DIPK2B: variants seen among roughly 807,000 people sequenced by gnomAD.
DIPK2B encodes the protein divergent protein kinase domain 2B, also known as UPF0672 protein CXorf36.
DIPK2B carries 15 observed loss-of-function variants against 22.2 expected under a neutral mutation model. The ratio of observed to expected loss-of-function variants is 0.68; its 90% confidence interval spans 0.45 to 1.04. The LOEUF is 1.04. Among genes scored for constraint, DIPK2B ranks in the 50% least tolerant of loss-of-function variants. The pLI, the probability that DIPK2B is intolerant of heterozygous loss-of-function variation, is 0.00. For synonymous variants in DIPK2B, 163 were observed against 153.2 expected, an observed-to-expected ratio of 1.06 and a Z score of -0.47; for missense variants, 345 against 348.3, an observed-to-expected ratio of 0.99 and a Z score of 0.08.
Position 45,189,086 on chromosome X carries a change from T to C in DIPK2B, c.498+2665A>G, listed in dbSNP as rs55931121. On this transcript the variant is annotated intron_variant, in intron 2 of 4. Transcript: ENST00000398000. ...AGTTTTTTTAAAAAAATAGATTTTG[T>C]CTCACCATGGTCCCCAGGCTCATCT... Among the ~76,000 whole-genome samples, 662 of 112,362 alleles carry C rather than the reference T, an allele frequency of 5.9e-3. 1 individual carries two copies. The highest frequency in any genetic ancestry group is 9.1e-3 in the Non-Finnish European group (484 of 53,269).
At chrX:45,169,775 A>G (rs1003426449) in intron 2 of DIPK2B, among the ~76,000 whole-genome samples, 4 of 112,495 alleles carry the variant, frequency 3.6e-5, no homozygotes, top group African/African-American at 1.3e-4. Context: ...TATAACTGAC[A>G]CAGGACAGTC....
intron 2 of DIPK2B, chrX:45,163,280 G>T: frequency 2.0e-6 from 1 of 492,063 alleles, no homozygotes; most frequent in Non-Finnish European, 2.5e-6. Flanking sequence ...TTTTGGACTT[G>T]CCAATCCCCA....
chrX:45,148,728 G>T lies in DIPK2B; in HGVS notation c.*2924C>A, dbSNP rs181975676. 3 of 112,298 alleles carry T rather than the reference G, an allele frequency of 2.7e-5. No individual in the cohort carries two copies. The highest frequency in any genetic ancestry group is 5.6e-5 in the Non-Finnish European group (3 of 53,977). The allele number at this position is 112,298 out of a possible 1,213,427, so 9.3% of individuals were successfully genotyped here. ...ACATTTCAACATGAGATTTGGAGGG[G>T]ACAAACATCCAAACCATATCACAGC... On this transcript the variant is annotated 3_prime_UTR_variant, in exon 5 of 5. Coordinates refer to ENST00000398000, the MANE Select transcript of DIPK2B (RefSeq NM_176819.4).
chrX:45,163,542 C>T (rs1005754683), intron 2 of DIPK2B: 13 of 752,534 alleles, frequency 1.7e-5, no homozygotes, highest in South Asian at 6.8e-5. Flanking sequence ...TCATCCATAC[C>T]CCCGAGTGTT....
rs764228630 is a variant in DIPK2B, at chrX:45,184,356, G to A, written c.498+7395C>T. 1.7e-3 allele frequency among the ~76,000 whole-genome samples: 190 copies of A among 111,862 alleles called. 1 individual carries two copies. Among genetic ancestry groups the A allele is most frequent in the South Asian group, 6.0e-3 (16 of 2,673 alleles). On this transcript the variant is annotated intron_variant, in intron 2 of 4. Transcript: ENST00000398000. The stretch of plus-strand genomic sequence containing the variant: ...TGAGTTTCCTGTCACTGTATGATAC[G>A]GTAGATGACCCTTTGCCTTACAGAA...
intron 2 of DIPK2B, among the ~76,000 whole-genome samples, chrX:45,177,445 T>C (rs1050729532): frequency 9.1e-6 from 1 of 110,283 alleles, no homozygotes; most frequent in Admixed American, 9.6e-5. Flanking sequence ...ATTCTCACTC[T>C]ATTAGTTCCC....
Position 45,149,093 on chromosome X carries a change from G to A in DIPK2B, c.*2559C>T, listed in dbSNP as rs186730141. The A allele has an allele frequency of 1.8e-5, 2 of 112,834 alleles. No homozygotes were observed. Among genetic ancestry groups the A allele is most frequent in the East Asian group, 5.6e-4 (2 of 3,574 alleles). The allele number at this position is 112,834 out of a possible 1,213,427, so 9.3% of individuals were successfully genotyped here. On this transcript the variant is annotated 3_prime_UTR_variant, in exon 5 of 5. Transcript: ENST00000398000. ...ACAGATGTGTGGTGGAGGCATTTGA[G>A]GGTTACCTCAGACCACATGCTGACC...
chrX:45,200,358 A>T (rs1163933183), intron 1 of DIPK2B, among the ~76,000 whole-genome samples: 1 of 112,057 alleles, frequency 8.9e-6, no homozygotes, highest in African/African-American at 3.2e-5. Flanking sequence ...AGGAAAGAAA[A>T]CTTCAAGCTT....
chrX:45,167,664 T>G (rs2047056193), intron 2 of DIPK2B, among the ~76,000 whole-genome samples: 1 of 110,789 alleles, frequency 9.0e-6, no homozygotes, highest in Non-Finnish European at 1.9e-5. Context: ...TCTACAAGTG[T>G]CTGGCCGCCA....
At chrX:45,165,200 T>A (rs974366228) in intron 2 of DIPK2B, among the ~76,000 whole-genome samples, 2 of 111,368 alleles carry the variant, frequency 1.8e-5, no homozygotes, top group African/African-American at 6.5e-5. Context: ...AAGGGACTGA[T>A]TGTGCATTCT....
chrX:45,168,795 G>A lies in DIPK2B; in HGVS notation c.499-10907C>T, dbSNP rs765793303. On this transcript the variant is annotated intron_variant, in intron 2 of 4. Coordinates refer to ENST00000398000, the MANE Select transcript of DIPK2B (RefSeq NM_176819.4). ...CTATCTTGTATTCCCATCGGCCTGCGGAGCGGTCTCTGCTGGATGGATGGA... is the reference window on the plus strand; with the variant it reads ...CTATCTTGTATTCCCATCGGCCTGCAGAGCGGTCTCTGCTGGATGGATGGA... Among the ~76,000 whole-genome samples, 10 of 111,815 alleles carry A rather than the reference G, an allele frequency of 8.9e-5. No individual in the cohort carries two copies. In the East Asian group the frequency reaches 2.6e-3, roughly 29 times the overall value.
intron 2 of DIPK2B, among the ~76,000 whole-genome samples, chrX:45,182,103 G>A: frequency 9.1e-6 from 1 of 109,506 alleles, no homozygotes. Flanking sequence ...CATTAAGAGG[G>A]TGAAAAGGCA....
At position 45,155,602 on chromosome X, in the gene DIPK2B, A is replaced by G. The variant is rs947454072; in HGVS notation, c.673-1404T>C. On this transcript the variant is annotated intron_variant, in intron 3 of 4. Transcript: ENST00000398000. ...GTGGGTGAATCTGTCTGGCTGGGGT[A>G]GCTATATACATCGTACAGATGTTCC... Among the ~76,000 whole-genome samples, 47 of 108,913 alleles carry G rather than the reference A, an allele frequency of 4.3e-4. 1 individual carries two copies. The highest frequency in any genetic ancestry group is 5.7e-5 in the Non-Finnish European group (3 of 52,514). 94.6% of individuals were successfully genotyped at this position (108,913 alleles called of 115,157 possible).
At position 45,155,961 on chromosome X, in the gene DIPK2B, C is replaced by CT. The variant is rs757375184; in HGVS notation, c.672+1753dup. Among the ~76,000 whole-genome samples, 357 of 55,242 alleles carry CT rather than the reference C, an allele frequency of 6.5e-3. 13 individuals are homozygous for CT. The highest frequency in any genetic ancestry group is 9.2e-3 in the African/African-American group (126 of 13,759). The allele number at this position is 55,242 out of a possible 115,157, so 48.0% of individuals were successfully genotyped here. A position where few individuals can be genotyped will look rare whatever the true frequency, so the allele number is the denominator to read the frequency against. On this transcript the variant is annotated intron_variant, in intron 3 of 4. Coordinates refer to ENST00000398000, the MANE Select transcript of DIPK2B (RefSeq NM_176819.4). ...AGTTTCCCCTGCCTAAAGGGGACCTCTTTTTTTTTTTTTTTTTTTTTTTTA... is the reference window on the plus strand; with the variant it reads ...AGTTTCCCCTGCCTAAAGGGGACCTCTTTTTTTTTTTTTTTTTTTTTTTTTA...
chrX:45,170,991 G>T (rs990086153), intron 2 of DIPK2B, among the ~76,000 whole-genome samples: 7 of 111,372 alleles, frequency 6.3e-5, no homozygotes, highest in African/African-American at 2.3e-4. Context: ...TGTACATAGG[G>T]GTGGAGCCAG....
chrX:45,185,061 A>T (rs913199812), intron 2 of DIPK2B, among the ~76,000 whole-genome samples: 1 of 112,536 alleles, frequency 8.9e-6, no homozygotes, highest in African/African-American at 3.2e-5. Flanking sequence ...CAATCACGGT[A>T]GCACAATCAA....
At chrX:45,192,563 C>T (rs2047218637) in intron 1 of DIPK2B, among the ~76,000 whole-genome samples, 1 of 111,042 alleles carries the variant, frequency 9.0e-6, no homozygotes, top group Admixed American at 9.5e-5. Flanking sequence ...TGAAGAGGCT[C>T]TTGGGCCTGC....
chrX:45,173,460 G>T (rs1039555660), intron 2 of DIPK2B, among the ~76,000 whole-genome samples: 5 of 110,781 alleles, frequency 4.5e-5, no homozygotes, highest in Non-Finnish European at 9.5e-5. Context: ...CCTGAGAGAA[G>T]CTCCTGGTAC....
intron 1 of DIPK2B, among the ~76,000 whole-genome samples, chrX:45,195,693 T>G: frequency 8.9e-6 from 1 of 112,314 alleles, no homozygotes; most frequent in Non-Finnish European, 1.9e-5. Context: ...TGGTTCACAA[T>G]GCTCTGCCTG....
Sources: gnomAD v4.1 joint callset for allele counts (sites outside exome capture counted in the v4.1 genomes callset) on GRCh38, gnomAD v4.1.1 for gene constraint, MANE v1.5 for transcripts, NCBI Gene and HGNC (gene_info 2026-07-23, HGNC 2026-07-21) for gene names.